Variants in LDB2 observed in about 807,000 individuals in gnomAD.
The protein encoded by LDB2 is LIM domain binding 2.
A neutral mutation model predicts 44.3 loss-of-function variants in LDB2; 12 were observed. The observed-to-expected ratio is 0.27, with a 90% CI of 0.17 to 0.44. The LOEUF is 0.44. Ranked by LOEUF, LDB2 falls within the 20% of genes least tolerant of loss-of-function variation. LDB2 has a pLI of 1.00. For missense variants in LDB2, 344 were observed against 473.5 expected (o/e 0.73, Z 2.54); for synonymous variants, 164 against 174.8 (o/e 0.94, Z 0.49).
intron 2 of LDB2, among the ~76,000 whole-genome samples, chr4:16,642,032 T>C (rs1361831398): frequency 6.6e-6 from 1 of 151,948 alleles, no homozygotes; most frequent in African/African-American, 2.4e-5. Flanking sequence ...CAACTAAAAA[T>C]AAAACAGAAA....
chr4:16,719,581 G>A (rs1041604698), intron 2 of LDB2, among the ~76,000 whole-genome samples: 4 of 151,954 alleles, frequency 2.6e-5, no homozygotes, highest in South Asian at 2.1e-4. Flanking sequence ...CCTGGACCAC[G>A]GTAATTTTAG....
At chr4:16,880,840 C>G (rs964292902) in intron 1 of LDB2, among the ~76,000 whole-genome samples, 3 of 147,482 alleles carry the variant, frequency 2.0e-5, no homozygotes, top group African/African-American at 7.7e-5. Flanking sequence ...GGAGGCGGAG[C>G]TTGCAGTGAG....
intron 1 of LDB2, among the ~76,000 whole-genome samples, chr4:16,814,588 A>G (rs981630386): frequency 1.3e-5 from 2 of 152,216 alleles, no homozygotes; most frequent in Non-Finnish European, 2.9e-5. Context: ...CAGGAGTCAC[A>G]TTCTGTTTTC....
chr4:16,872,073 A>C (rs1716843543), intron 1 of LDB2, among the ~76,000 whole-genome samples: 1 of 152,092 alleles, frequency 6.6e-6, no homozygotes, highest in Non-Finnish European at 1.5e-5. Flanking sequence ...ATTATCCATA[A>C]ACTGTAAACT....
intron 7 of LDB2, chr4:16,506,149 A>C: frequency 1.6e-6 from 1 of 617,842 alleles, no homozygotes; most frequent in Non-Finnish European, 2.7e-6. Flanking sequence ...TAACCAGTAG[A>C]ATAGTGTTGA....
chr4:16,524,721 A>G (rs1347163761), intron 5 of LDB2, among the ~76,000 whole-genome samples: 1 of 152,196 alleles, frequency 6.6e-6, no homozygotes, highest in East Asian at 1.9e-4. Flanking sequence ...GTCAAACGCA[A>G]TATTGCTCTT....
chr4:16,818,535 A>G (rs1365692209), intron 1 of LDB2, among the ~76,000 whole-genome samples: 1 of 152,180 alleles, frequency 6.6e-6, no homozygotes, highest in Non-Finnish European at 1.5e-5. Context: ...ATTTTCCTTC[A>G]TTGACTTCTT....
At chr4:16,628,577 T>C (rs1288036033) in intron 2 of LDB2, among the ~76,000 whole-genome samples, 1 of 152,166 alleles carries the variant, frequency 6.6e-6, no homozygotes, top group Non-Finnish European at 1.5e-5. Flanking sequence ...ATCTTTTTTT[T>C]TTTTGTCCTG....
intron 1 of LDB2, among the ~76,000 whole-genome samples, chr4:16,858,820 C>T (rs907002206): frequency 1.3e-5 from 2 of 152,140 alleles, no homozygotes; most frequent in South Asian, 2.1e-4. Context: ...ATACAAACTG[C>T]GTCAATACAC....
intron 1 of LDB2, among the ~76,000 whole-genome samples, chr4:16,883,820 G>T (rs932998987): frequency 6.6e-6 from 1 of 152,146 alleles, no homozygotes; most frequent in Non-Finnish European, 1.5e-5. Flanking sequence ...AACGATTCAT[G>T]GCCCACATTG....
intron 5 of LDB2, among the ~76,000 whole-genome samples, chr4:16,579,126 G>A (rs1560530068): frequency 6.6e-6 from 1 of 151,914 alleles, no homozygotes; most frequent in African/African-American, 2.4e-5. Context: ...GCACAACAGG[G>A]TGACTACAGT....
intron 2 of LDB2, among the ~76,000 whole-genome samples, chr4:16,733,650 C>G (rs1031486055): frequency 3.3e-5 from 5 of 152,166 alleles, no homozygotes; most frequent in Non-Finnish European, 7.3e-5. Flanking sequence ...GGTAAAAAGT[C>G]TTTGTGTGGC....
In LDB2 at chr4:16,898,489, G is replaced by T. The variant is rs1468856893; in HGVS notation, c.-4C>A. On this transcript the variant is annotated 5_prime_UTR_variant, in exon 1 of 8. Coordinates refer to ENST00000304523, the MANE Select transcript of LDB2 (RefSeq NM_001290.5). ...GGTCATGTGGTGTGCTGGACATCTT[G>T]CCTGCTTTTCGAAAATCAAGCTAAA... The T allele has an allele frequency of 5.0e-6, 8 of 1,613,300 alleles. No homozygotes were observed. In the South Asian group the frequency reaches 8.8e-5, roughly 18 times the overall value.
chr4:16,575,048 GGT>G (rs1747824491), intron 5 of LDB2, among the ~76,000 whole-genome samples: 1 of 152,072 alleles, frequency 6.6e-6, no homozygotes, highest in South Asian at 2.1e-4. Flanking sequence ...ACATGACAAA[GGT>G]GTTTAGGGGA....
intron 1 of LDB2, among the ~76,000 whole-genome samples, chr4:16,779,444 C>A (rs962914311): frequency 6.6e-6 from 1 of 152,184 alleles, no homozygotes; most frequent in African/African-American, 2.4e-5. Flanking sequence ...CACTTCAGAA[C>A]GAGACTAGGT....
intron 1 of LDB2, among the ~76,000 whole-genome samples, chr4:16,864,657 G>T (rs1714000076): frequency 6.6e-6 from 1 of 152,182 alleles, no homozygotes; most frequent in Non-Finnish European, 1.5e-5. Flanking sequence ...GGGCGCAGTA[G>T]CTCACCCCTG....
At chr4:16,568,068 T>A (rs1050247096) in intron 5 of LDB2, among the ~76,000 whole-genome samples, 2 of 152,138 alleles carry the variant, frequency 1.3e-5, no homozygotes. Context: ...GTGAACCATA[T>A]CAAATAGTGA....
chr4:16,730,198 G>A lies in LDB2; in HGVS notation c.235+28960C>T, dbSNP rs772834006. The stretch of plus-strand genomic sequence containing the variant: ...CTCGTGATTTCTGGCATAATAGGGG[G>A]ATCTTGAGATTCCCAGAGTCCATCC... On this transcript the variant is annotated intron_variant, in intron 2 of 7. Transcript: ENST00000304523. Among the ~76,000 whole-genome samples the A allele has an allele frequency of 1.2e-3, 182 of 152,272 alleles. 1 individual carries two copies. Among genetic ancestry groups the A allele is most frequent in the Non-Finnish European group, 1.7e-3 (119 of 68,020 alleles).
chr4:16,770,515 T>C lies in LDB2; in HGVS notation c.133-11255A>G, dbSNP rs181124942. Among the ~76,000 whole-genome samples, 93 of 152,266 alleles carry C rather than the reference T, an allele frequency of 6.1e-4. 1 individual carries two copies. Among genetic ancestry groups the C allele is most frequent in the African/African-American group, 2.0e-3 (82 of 41,552 alleles). Reference sequence around the variant, plus strand: ...TATTTTCTAGTCCTCACAGGCTCTCTATCAAGTTGGTAATTTTCTTATCCC... The same window carrying C: ...TATTTTCTAGTCCTCACAGGCTCTCCATCAAGTTGGTAATTTTCTTATCCC... On this transcript the variant is annotated intron_variant, in intron 1 of 7. Transcript: ENST00000304523.
Sources: allele counts gnomAD v4.1 joint callset (sites outside exome capture counted in the v4.1 genomes callset), GRCh38; gene constraint gnomAD v4.1.1; transcripts MANE v1.5; gene names NCBI Gene and HGNC (gene_info 2026-07-23, HGNC 2026-07-21).